MUC13: variants seen among roughly 807,000 people sequenced by gnomAD.
The protein encoded by MUC13 is mucin 13, cell surface associated.
A neutral mutation model predicts 48.3 loss-of-function variants in MUC13; 32 were observed. That is an observed-to-expected ratio of 0.66 (90% CI 0.50 to 0.89). The LOEUF (loss-of-function observed/expected upper bound fraction) is 0.89, where lower values mean the gene tolerates loss of function less well. Ranked by LOEUF, MUC13 falls within the 40% of genes least tolerant of loss-of-function variation. MUC13 has a pLI of 0.00. For missense variants in MUC13, 571 were observed against 622.8 expected, an observed-to-expected ratio of 0.92 and a Z score of 0.88; for synonymous variants, 199 against 224.9, an observed-to-expected ratio of 0.88 and a Z score of 1.03.
intron 1 of MUC13, among the ~76,000 whole-genome samples, chr3:124,929,498 G>A (rs1330204823): frequency 6.6e-6 from 1 of 152,208 alleles, no homozygotes; most frequent in Non-Finnish European, 1.5e-5. Context: ...TCCCCGATGG[G>A]TCTATGAGCC....
At chr3:124,928,082 C>CTTT (rs56396479) in intron 1 of MUC13, 89 bp from the exon 2 acceptor site, 3,710 of 714,614 alleles carry the variant, frequency 5.2e-3, no homozygotes, top group Middle Eastern at 6.1e-3. Context: ...CCAACTCATT[C>CTTT]TTTTTTTTTT....
chr3:124,927,439 C>T (rs957592406), intron 2 of MUC13, 93 bp downstream of exon 2: 2 of 1,240,604 alleles, frequency 1.6e-6, no homozygotes, highest in Non-Finnish European at 2.3e-6. Context: ...CCTCTTTAGA[C>T]CCATTTTCCT....
At chr3:124,917,351 C>T (rs1231511797) in intron 5 of MUC13, among the ~76,000 whole-genome samples, 1 of 95,548 alleles carries the variant, frequency 1.0e-5, no homozygotes, top group Non-Finnish European at 2.1e-5. Flanking sequence ...ACCTTTTTGA[C>T]ATTTTTTTTT....
rs184587676 is a variant in MUC13, at chr3:124,933,791, A to G, written c.52+870T>C. Among the ~76,000 whole-genome samples the G allele has an allele frequency of 7.9e-5, 12 of 152,236 alleles. No individual in the cohort carries two copies. The East Asian group carries it at 1.5e-3, about 20-fold the overall frequency. ...TGTATGCCTTTTTTCCTATTAGTCCATCTACTTCATGCCAGTGATTTTTCT... is the reference window on the plus strand; with the variant it reads ...TGTATGCCTTTTTTCCTATTAGTCCGTCTACTTCATGCCAGTGATTTTTCT... On this transcript the variant is annotated intron_variant, in intron 1 of 11. Transcript: ENST00000616727.
At chr3:124,922,424 C>A in intron 3 of MUC13, 121 bp from the exon 4 acceptor site, 1 of 1,272,468 alleles carries the variant, frequency 7.9e-7, no homozygotes, top group Non-Finnish European at 1.0e-6. Context: ...TACAGGAAAT[C>A]TGGAAATATT....
chr3:124,928,081 TC>T (rs374710381), intron 1 of MUC13, 88 bp from the exon 2 acceptor site: 50 of 952,280 alleles, frequency 5.3e-5, no homozygotes, highest in Middle Eastern at 3.3e-4. Flanking sequence ...TCCAACTCAT[TC>T]TTTTTTTTTT....
rs1269851430 is a variant in MUC13, at chr3:124,906,081, A to G, written c.*662T>C. 1 of 152,658 alleles carries G rather than the reference A, an allele frequency of 6.6e-6. No homozygotes were observed. The highest frequency in any genetic ancestry group is 6.5e-5 in the Admixed American group (1 of 15,274). 9.5% of individuals were successfully genotyped at this position (152,658 alleles called of 1,614,324 possible). On this transcript the variant is annotated 3_prime_UTR_variant, in exon 12 of 12. Coordinates refer to ENST00000616727, the MANE Select transcript of MUC13 (RefSeq NM_033049.4). ...TTTTAGTCCAGGCCTTCTAATTAGC[A>G]TCAAAAAGTTCCTGGATTCCCAGGC...
Position 124,927,473 on chromosome 3 carries a change from C to G in MUC13, c.514+59G>C, listed in dbSNP as rs1579370941. The G allele has an allele frequency of 2.0e-6, 3 of 1,517,160 alleles. No homozygotes were observed. The East Asian group carries it at 6.8e-5, about 34-fold the overall frequency. 94.0% of individuals were successfully genotyped at this position (1,517,160 alleles called of 1,614,324 possible). On this transcript the variant is annotated intron_variant, in intron 2 of 11. Coordinates refer to ENST00000616727, the MANE Select transcript of MUC13 (RefSeq NM_033049.4). ...CTACCCCACCAGAACATACCCACCT[C>G]CCTCCCTCCACAATTGTACTCTCCA...
chr3:124,909,485 C>CATGTGTGTGTGTGTGTGTGT lies in MUC13; in HGVS notation c.1337+929_1337+930insACACACACACACACACACAT, dbSNP rs372823172. ...TGCAGAGATGACACGTGTGTGCTTG[C>CATGTGTGTGTGTGTGTGTGT]GTGTGTGTGTGTGTGTGTGTGTGTG... On this transcript the variant is annotated intron_variant, in intron 10 of 11. Coordinates refer to ENST00000616727, the MANE Select transcript of MUC13 (RefSeq NM_033049.4). Among the ~76,000 whole-genome samples the CATGTGTGTGTGTGTGTGTGT allele has an allele frequency of 7.6e-3, 1,125 of 148,444 alleles. 9 individuals carry two copies. Among genetic ancestry groups the CATGTGTGTGTGTGTGTGTGT allele is most frequent in the Non-Finnish European group, 0.012 (827 of 67,164 alleles).
intron 6 of MUC13, among the ~76,000 whole-genome samples, chr3:124,914,107 A>G (rs531733464): frequency 6.6e-6 from 1 of 152,160 alleles, no homozygotes; most frequent in Non-Finnish European, 1.5e-5. Flanking sequence ...GTTGGAAGGC[A>G]TTAGGGTTAA....
At chr3:124,929,027 T>C (rs1183848981) in intron 1 of MUC13, among the ~76,000 whole-genome samples, 1 of 152,200 alleles carries the variant, frequency 6.6e-6, no homozygotes, top group Non-Finnish European at 1.5e-5. Context: ...CTAGATACAT[T>C]GACTAAGAGT....
Position 124,908,207 on chromosome 3 carries a change from T to G in MUC13, c.1479A>C (p.Arg493Ser). The G allele has an allele frequency of 6.2e-7, 1 of 1,614,210 alleles. No individual in the cohort carries two copies. The highest frequency in any genetic ancestry group is 8.5e-7 in the Non-Finnish European group (1 of 1,180,046). Residue 493 changes from arginine to serine, a missense_variant, in exon 11 of 12, where the codon AGA becomes AGC. Coordinates refer to ENST00000616727, the MANE Select transcript of MUC13 (RefSeq NM_033049.4). ...AATAGGGATTTTGCATCTGGCTGTC[T>G]CTGGAGGCCGTTATCCTGACCTTAG... is the stretch of plus-strand genomic sequence containing the variant. ...VFPKVRITAS[R>S]DSQMQNPYSR...
chr3:124,922,962 G>A (rs1321196726), intron 3 of MUC13, among the ~76,000 whole-genome samples: 1 of 152,004 alleles, frequency 6.6e-6, no homozygotes, highest in African/African-American at 2.4e-5. Context: ...AAATCCCCAG[G>A]AGTGAGATTA....
intron 1 of MUC13, 41 bp downstream of exon 1, chr3:124,934,620 A>G: frequency 7.0e-7 from 1 of 1,419,130 alleles, no homozygotes; most frequent in South Asian, 1.2e-5. Context: ...CAAAGACAAC[A>G]TACATGATTG....
chr3:124,916,050 T>C (rs1390212964), intron 6 of MUC13, among the ~76,000 whole-genome samples: 1 of 152,206 alleles, frequency 6.6e-6, no homozygotes, highest in Admixed American at 6.5e-5. Context: ...TCCTTTTTCT[T>C]TCCCTGCCCA....
intron 5 of MUC13, among the ~76,000 whole-genome samples, chr3:124,919,321 G>A (rs1327176781): frequency 3.5e-5 from 5 of 144,670 alleles, no homozygotes; most frequent in African/African-American, 1.3e-4. Context: ...TGCATGACAG[G>A]AGTGAGATTC....
At position 124,908,303 on chromosome 3, in the gene MUC13, G is replaced by A. The variant is rs184489086; in HGVS notation, c.1383C>T (p.Asp461=). The A allele has an allele frequency of 3.2e-5, 52 of 1,614,128 alleles. No homozygotes were observed. The highest frequency in any genetic ancestry group is 2.1e-4 in the South Asian group (19 of 91,086). Reference sequence around the variant, plus strand: ...GCAGTTTTAGATTTTGAAAGTCTTCGTCAATCAAGTTCTCTTCTTCAATAT... The same window carrying A: ...GCAGTTTTAGATTTTGAAAGTCTTCATCAATCAAGTTCTCTTCTTCAATAT... ...TKHIEEENLI[D]EDFQNLKLRS... Residue 461 remains aspartate (D), a synonymous_variant, in exon 11 of 12, where the codon GAC becomes GAT. Transcript: ENST00000616727.
intron 4 of MUC13, among the ~76,000 whole-genome samples, chr3:124,920,739 T>G (rs979989016): frequency 1.3e-5 from 2 of 152,272 alleles, no homozygotes; most frequent in African/African-American, 2.4e-5. Flanking sequence ...AAAGTAGTGC[T>G]AAGTGACCAT....
Position 124,908,138 on chromosome 3 carries a change from C to G in MUC13, c.*9G>C, listed in dbSNP as rs1935348283. 4 of 1,614,018 alleles carry G rather than the reference C, an allele frequency of 2.5e-6. No homozygotes were observed. Among genetic ancestry groups the G allele is most frequent in the Non-Finnish European group, 3.4e-6 (4 of 1,179,950 alleles). ...TCCCAAAAGCAGGAGAAAAAGCCCA[C>G]TGACTCACCTAATAGTCAGGGCGGG... is the stretch of plus-strand genomic sequence containing the variant. On this transcript the variant is annotated intron_variant, in intron 11 of 11. Coordinates refer to ENST00000616727, the MANE Select transcript of MUC13 (RefSeq NM_033049.4).
Sources: allele counts gnomAD v4.1 joint callset (sites outside exome capture counted in the v4.1 genomes callset), GRCh38; gene constraint gnomAD v4.1.1; transcripts MANE v1.5; gene names NCBI Gene and HGNC (gene_info 2026-07-23, HGNC 2026-07-21).